The following TEX36 variants were observed in gnomAD, a reference collection of about 807,000 sequenced individuals.
TEX36 encodes the protein testis-expressed protein 36.
Under a neutral mutation model 13.6 loss-of-function variants are expected in TEX36, and 12 were observed. The ratio of observed to expected loss-of-function variants is 0.88; its 90% confidence interval spans 0.56 to 1.43. The LOEUF (loss-of-function observed/expected upper bound fraction) is 1.43. TEX36 is among the 40% of genes most tolerant of loss of function. The probability of loss-of-function intolerance (pLI) is 0.00; values close to 1 mark genes in which losing one functional copy is unlikely to be tolerated. For synonymous variants in TEX36, 93 were observed against 83.0 expected (o/e 1.12, Z -0.65); for missense variants, 224 against 228.3 (o/e 0.98, Z 0.12).
At chr10:125,660,348 C>T (rs1328578738) in intron 3 of TEX36, among the ~76,000 whole-genome samples, 2 of 151,972 alleles carry the variant, frequency 1.3e-5, no homozygotes, top group Non-Finnish European at 2.9e-5. Context: ...TGGTCTCAAG[C>T]TCCTGACCTC....
chr10:125,620,196 C>T (rs990574095), downstream of TEX36, among the ~76,000 whole-genome samples: 1 of 152,174 alleles, frequency 6.6e-6, no homozygotes, highest in Non-Finnish European at 1.5e-5. Flanking sequence ...TATACTACTA[C>T]ATTCCTTCCA....
chr10:125,639,476 TA>T (rs11374821), intron 3 of TEX36, among the ~76,000 whole-genome samples: 11 of 150,910 alleles, frequency 7.3e-5, no homozygotes, highest in Non-Finnish European at 1.2e-4. Context: ...AGGGCTGTGA[TA>T]AAAAAAAATT....
chr10:125,660,994 A>G, intron 3 of TEX36, 27 bp downstream of exon 3: 3 of 1,532,388 alleles, frequency 2.0e-6, no homozygotes, highest in Non-Finnish European at 2.7e-6. Context: ...TCCCTGTTTT[A>G]TTAATAATTT....
chr10:125,660,440 T>C lies in TEX36; in HGVS notation c.264+581A>G, dbSNP rs142878434. Among the ~76,000 whole-genome samples, 429 of 152,320 alleles carry C rather than the reference T, an allele frequency of 2.8e-3. 2 individuals are homozygous for C. Among genetic ancestry groups the C allele is most frequent in the African/African-American group, 9.9e-3 (411 of 41,576 alleles). ...GCTCCCAGCCAATAGAATATATTAT[T>C]AAAGTAAATTTCACCTGTTTCTTTG... On this transcript the variant is annotated intron_variant, in intron 3 of 3. Transcript: ENST00000368821.
intron 1 of TEX36, among the ~76,000 whole-genome samples, chr10:125,666,716 G>C (rs1315674064): frequency 6.6e-6 from 1 of 152,126 alleles, no homozygotes; most frequent in Non-Finnish European, 1.5e-5. Flanking sequence ...TGCTGGAAAG[G>C]GTGATGGAGT....
chr10:125,596,592 T>A (rs953725045), intron 3 of TEX36, among the ~76,000 whole-genome samples: 17 of 152,230 alleles, frequency 1.1e-4, no homozygotes, highest in African/African-American at 3.6e-4. Flanking sequence ...AATAAATATG[T>A]GTTGTTTATT....
At chr10:125,638,438 G>A (rs80027922) in intron 3 of TEX36, among the ~76,000 whole-genome samples, 11,434 of 152,180 alleles carry the variant, frequency 0.075, 639 homozygotes, top group South Asian at 0.18. Flanking sequence ...TCAGCTCAAC[G>A]CTGAAGCTGG....
intron 3 of TEX36, among the ~76,000 whole-genome samples, chr10:125,633,107 G>C (rs557713482): frequency 6.6e-5 from 10 of 151,874 alleles, no homozygotes; most frequent in Non-Finnish European, 1.2e-4. Flanking sequence ...CTGGGTGACA[G>C]AATGAGACCC....
chr10:125,640,235 A>C (rs1846671276), intron 3 of TEX36: 5 of 984,294 alleles, frequency 5.1e-6, no homozygotes, highest in Non-Finnish European at 4.8e-6. Context: ...GGAGGAGAGG[A>C]AGAAGGGAAG....
At chr10:125,633,480 G>A (rs184264686) in intron 3 of TEX36, among the ~76,000 whole-genome samples, 7 of 152,276 alleles carry the variant, frequency 4.6e-5, no homozygotes, top group Non-Finnish European at 8.8e-5. Flanking sequence ...ACATTCCATT[G>A]TAAAACCTAT....
chr10:125,578,408 C>T (rs1845851089), intron 3 of TEX36: 2 of 152,218 alleles, frequency 1.3e-5, no homozygotes, highest in Admixed American at 1.3e-4. Flanking sequence ...ACAGGAATGA[C>T]ATTTCAACTG....
chr10:125,651,623 C>T (rs990373356), downstream of TEX36, among the ~76,000 whole-genome samples: 2 of 152,176 alleles, frequency 1.3e-5, no homozygotes, highest in Non-Finnish European at 2.9e-5. Context: ...TCCTATTCAA[C>T]ATAGTGTTGG....
chr10:125,629,024 T>C (rs1209573801), intron 3 of TEX36, among the ~76,000 whole-genome samples: 1 of 152,236 alleles, frequency 6.6e-6, no homozygotes, highest in African/African-American at 2.4e-5. Context: ...AAAAGCTATT[T>C]CATTGCCCAG....
chr10:125,648,281 T>C (rs1366267538), intron 3 of TEX36, among the ~76,000 whole-genome samples: 1 of 152,148 alleles, frequency 6.6e-6, no homozygotes, highest in African/African-American at 2.4e-5. Flanking sequence ...TCTCATACAG[T>C]TGGGTGCCCC....
At chr10:125,582,877 TA>T (rs1845900153) in intron 3 of TEX36, among the ~76,000 whole-genome samples, 1 of 152,208 alleles carries the variant, frequency 6.6e-6, no homozygotes, top group Non-Finnish European at 1.5e-5. Context: ...AATTTTTCAC[TA>T]GATAATTAAG....
intron 1 of TEX36, chr10:125,667,078 G>T: frequency 1.6e-6 from 2 of 1,221,156 alleles, no homozygotes; most frequent in African/African-American, 1.5e-5. Flanking sequence ...AGGTCACAGG[G>T]AGCACTTGTT....
At chr10:125,579,575 T>G (rs1845861548) in intron 3 of TEX36, among the ~76,000 whole-genome samples, 1 of 152,184 alleles carries the variant, frequency 6.6e-6, no homozygotes, top group African/African-American at 2.4e-5. Context: ...TCTGATTTGG[T>G]TTGGATTTGT....
At chr10:125,626,563 C>T (rs1040780997) in intron 3 of TEX36, among the ~76,000 whole-genome samples, 4 of 152,204 alleles carry the variant, frequency 2.6e-5, no homozygotes, top group African/African-American at 9.7e-5. Flanking sequence ...AAGACCTTTC[C>T]TTCCCCTGGA....
chr10:125,584,078 A>G (rs1845915758), intron 3 of TEX36, among the ~76,000 whole-genome samples: 1 of 152,102 alleles, frequency 6.6e-6, no homozygotes, highest in Admixed American at 6.5e-5. Context: ...CCACTATGCA[A>G]AAAAGGTCCC....
Sources: gnomAD v4.1 joint callset for allele counts (sites outside exome capture counted in the v4.1 genomes callset) on GRCh38, gnomAD v4.1.1 for gene constraint, MANE v1.5 for transcripts, NCBI Gene and HGNC (gene_info 2026-07-23, HGNC 2026-07-21) for gene names.